Variants in DNAH9 observed in about 807,000 individuals in gnomAD.
The protein encoded by DNAH9 is dynein axonemal heavy chain 9.
DNAH9 carries 345 observed loss-of-function variants against 471.6 expected under a neutral mutation model. The observed-to-expected ratio is 0.73, with a 90% CI of 0.67 to 0.80. The LOEUF (loss-of-function observed/expected upper bound fraction) is 0.80. Among genes scored for constraint, DNAH9 ranks in the 30% least tolerant of loss-of-function variants. DNAH9 has a pLI of 0.00. For synonymous variants in DNAH9, 2,093 were observed against 2,123.6 expected (o/e 0.99, Z 0.40); for missense variants, 5,407 against 5,609.2 (o/e 0.96, Z 1.15).
intron 38 of DNAH9, among the ~76,000 whole-genome samples, chr17:11,773,405 T>C (rs532847502): frequency 1.3e-5 from 2 of 152,332 alleles, no homozygotes; most frequent in South Asian, 4.1e-4. Context: ...GAGAAAATTC[T>C]GTAGGCACTG....
In DNAH9 at chr17:11,787,611, G is replaced by A. The variant is rs180891274; in HGVS notation, c.8061+3072G>A. Reference sequence around the variant, plus strand: ...TTCAGAACTTCTCTGTACTCCCCTCGCTCTGTTCAGATCAGAACAGAATTT... The same window carrying A: ...TTCAGAACTTCTCTGTACTCCCCTCACTCTGTTCAGATCAGAACAGAATTT... On this transcript the variant is annotated intron_variant, in intron 41 of 68. Coordinates refer to ENST00000262442, the MANE Select transcript of DNAH9 (RefSeq NM_001372.4). 6.6e-5 allele frequency among the ~76,000 whole-genome samples: 10 copies of A among 152,204 alleles called. No individual in the cohort carries two copies. In the South Asian group the frequency reaches 1.0e-3, roughly 16 times the overall value.
intron 58 of DNAH9, among the ~76,000 whole-genome samples, chr17:11,893,904 A>C (rs1030828440): frequency 7.9e-5 from 12 of 152,186 alleles, no homozygotes; most frequent in Non-Finnish European, 1.5e-4. Flanking sequence ...ACTTATAGAA[A>C]GTTTAGTCAA....
Position 11,933,926 on chromosome 17 carries a change from G to C in DNAH9, c.12344G>C (p.Gly4115Ala), listed in dbSNP as rs1291761778. 6.2e-7 allele frequency: 1 copy of C among 1,614,118 alleles called. No homozygotes were observed. The highest frequency in any genetic ancestry group is 1.7e-5 in the Admixed American group (1 of 60,012). The change falls in exon 65 of 69, where the codon GGA (glycine) becomes GCA (alanine). Residue 4115 changes from glycine to alanine, a missense_variant. By Grantham distance (60) the Gly-to-Ala change is moderately conservative. Around this residue, in one of 3 missense-constraint regions of DNAH9, gnomAD observed 4,636 missense variants for 4,900.3 expected, o/e 0.95. Coordinates refer to ENST00000262442, the MANE Select transcript of DNAH9 (RefSeq NM_001372.4). ...TACCTGTTTGGAGAGATCATGTATG[G>C]AGGCCATATCACAGATGACTGGGAC... ...LRYLFGEIMY[G>A]GHITDDWDRR...
chr17:11,768,458 G>T lies in DNAH9; in HGVS notation c.7176G>T (p.Val2392=). Residue 2392 remains valine (V), a synonymous_variant, in exon 37 of 69, where the codon GTG becomes GTT. Transcript: ENST00000262442. Reference sequence around the variant, plus strand: ...GACTGTCTTTGTTTTTGCAGCTTGTGGACTACCGGGCAGAGTTCAGCAAAT... The same window carrying T: ...GACTGTCTTTGTTTTTGCAGCTTGTTGACTACCGGGCAGAGTTCAGCAAAT... ...FGGAMVQDQL[V]DYRAEFSKWW... 1 of 1,612,370 alleles carries T rather than the reference G, an allele frequency of 6.2e-7. No individual in the cohort carries two copies.
chr17:11,954,770 A>T (rs74661662), intron 67 of DNAH9, among the ~76,000 whole-genome samples: 21 of 64,930 alleles, frequency 3.2e-4, no homozygotes, highest in African/African-American at 9.0e-4. Context: ...ACTTCGTCTT[A>T]AAAAAAAAAA....
chr17:11,767,778 A>G (rs1012862694), intron 36 of DNAH9, among the ~76,000 whole-genome samples: 4 of 152,052 alleles, frequency 2.6e-5, no homozygotes, highest in African/African-American at 2.4e-5. Context: ...GGGGCCCATT[A>G]TCTAATAGGT....
chr17:11,664,913 G>C lies in DNAH9; in HGVS notation c.2676G>C (p.Leu892=), dbSNP rs544828937. Residue 892 remains leucine, a synonymous_variant, in exon 15 of 69, where the codon CTG becomes CTC. Coordinates refer to ENST00000262442, the MANE Select transcript of DNAH9 (RefSeq NM_001372.4). Reference sequence around the variant, plus strand: ...TTAACTCTATTGACAATTTGTTGCTGAATGGATTCTTTCTTGCCATTGAGT... The same window carrying C: ...TTAACTCTATTGACAATTTGTTGCTCAATGGATTCTTTCTTGCCATTGAGT... The part of the protein sequence containing the change: ...TYVNSIDNLL[L]NGFFLAIECS... The C allele has an allele frequency of 6.2e-7, 1 of 1,613,054 alleles. No homozygotes were observed. The highest frequency in any genetic ancestry group is 1.3e-5 in the African/African-American group (1 of 75,018).
At chr17:11,678,178 A>G (rs753704432) in intron 17 of DNAH9, among the ~76,000 whole-genome samples, 1 of 152,022 alleles carries the variant, frequency 6.6e-6, no homozygotes, top group Non-Finnish European at 1.5e-5. Context: ...CTGCCTCAGC[A>G]TCCCGAGTAG....
intron 14 of DNAH9, among the ~76,000 whole-genome samples, chr17:11,659,851 T>C (rs578053593): frequency 6.6e-6 from 1 of 152,318 alleles, no homozygotes; most frequent in Non-Finnish European, 1.5e-5. Context: ...TTAACTTGTC[T>C]TATCTCATTC....
intron 7 of DNAH9, among the ~76,000 whole-genome samples, chr17:11,631,902 A>G (rs994005104): frequency 6.6e-6 from 1 of 152,100 alleles, no homozygotes; most frequent in Non-Finnish European, 1.5e-5. Flanking sequence ...GGCGTGACCA[A>G]TGTTTCTCTG....
intron 60 of DNAH9, among the ~76,000 whole-genome samples, chr17:11,903,662 G>A (rs1973489078): frequency 6.6e-6 from 1 of 152,152 alleles, no homozygotes; most frequent in Non-Finnish European, 1.5e-5. Context: ...TGTAATCCCA[G>A]CACTTTGGGA....
At position 11,904,961 on chromosome 17, in the gene DNAH9, C is replaced by T. The variant is rs144800668; in HGVS notation, c.11601-700C>T. Among the ~76,000 whole-genome samples, 599 of 152,066 alleles carry T rather than the reference C, an allele frequency of 3.9e-3. 5 individuals carry two copies. The highest frequency in any genetic ancestry group is 0.013 in the African/African-American group (556 of 41,482). ...AAAACATGAGAGAATAGGCTGGGCG[C>T]GGTGGCTCACACCTGTAATCCCAAC... On this transcript the variant is annotated intron_variant, in intron 60 of 68. Transcript: ENST00000262442.
chr17:11,608,368 G>C (rs764315084), intron 2 of DNAH9, 43 bp downstream of exon 2: 1 of 1,413,498 alleles, frequency 7.1e-7, no homozygotes, highest in South Asian at 1.2e-5. Flanking sequence ...TGAGATATGG[G>C]AGATGCTGGT....
At chr17:11,822,765 A>G (rs1970352460) in intron 47 of DNAH9, 36 bp from the exon 48 acceptor site, 1 of 1,610,974 alleles carries the variant, frequency 6.2e-7, no homozygotes, top group Admixed American at 1.7e-5. Context: ...TCTTCAACAC[A>G]AGATAATCTT....
intron 30 of DNAH9, among the ~76,000 whole-genome samples, chr17:11,743,936 T>C (rs1326846367): frequency 6.6e-6 from 1 of 151,792 alleles, no homozygotes; most frequent in Non-Finnish European, 1.5e-5. Flanking sequence ...TTGAAGTGAT[T>C]CTCCTGCCTC....
At chr17:11,769,782 G>A (rs1329336385) in intron 38 of DNAH9, among the ~76,000 whole-genome samples, 3 of 152,208 alleles carry the variant, frequency 2.0e-5, no homozygotes, top group Non-Finnish European at 4.4e-5. Context: ...GGTGAGGCAG[G>A]CATGACACAT....
intron 58 of DNAH9, among the ~76,000 whole-genome samples, chr17:11,893,039 G>A (rs1973101108): frequency 1.3e-5 from 2 of 151,974 alleles, no homozygotes; most frequent in Admixed American, 1.3e-4. Context: ...CCAAAAGTCA[G>A]ATATCCCATC....
chr17:11,854,184 AAG>A lies in DNAH9; in HGVS notation c.9693_9694del (p.Asn3232HisfsTer21). ...CTGGACTCGCTAATAAACTTCAACA[AAG>A]AGAACATTCACGAGAACTGCCTCAA... On this transcript the variant is annotated frameshift_variant, in exon 50 of 69. Coordinates refer to ENST00000262442, the MANE Select transcript of DNAH9 (RefSeq NM_001372.4). LOFTEE classifies it high-confidence loss of function. 6.2e-7 allele frequency: 1 copy of A among 1,614,134 alleles called. No individual in the cohort carries two copies. Among genetic ancestry groups the A allele is most frequent in the Non-Finnish European group, 8.5e-7 (1 of 1,180,028 alleles).
intron 67 of DNAH9, among the ~76,000 whole-genome samples, chr17:11,947,301 A>C (rs1017378436): frequency 6.6e-6 from 1 of 152,232 alleles, no homozygotes; most frequent in Non-Finnish European, 1.5e-5. Flanking sequence ...TTCTGTTTCA[A>C]TAACAACTAG....
Sources: gnomAD v4.1 joint callset for allele counts (sites outside exome capture counted in the v4.1 genomes callset) on GRCh38, gnomAD v4.1.1 for gene constraint, gnomAD v4.1.1 regional missense constraint, MANE v1.5 for transcripts, NCBI Gene and HGNC (gene_info 2026-07-23, HGNC 2026-07-21) for gene names.